The following NDUFAF6 variants were observed in gnomAD, a reference collection of about 807,000 sequenced individuals.
NDUFAF6 encodes NADH dehydrogenase (ubiquinone) complex I, assembly factor 6.
Under a neutral mutation model 40.8 loss-of-function variants are expected in NDUFAF6, and 45 were observed. The observed-to-expected ratio is 1.10, with a 90% CI of 0.87 to 1.42. NDUFAF6 has a LOEUF of 1.42. Ranked by LOEUF, NDUFAF6 falls within the 40% of genes most tolerant of loss-of-function variation. The pLI, the probability that NDUFAF6 is intolerant of heterozygous loss-of-function variation, is 0.00. For missense variants in NDUFAF6, 435 were observed against 418.5 expected (o/e 1.04, Z -0.34); for synonymous variants, 185 against 155.9 (o/e 1.19, Z -1.39).
intron 2 of NDUFAF6, among the ~76,000 whole-genome samples, chr8:95,081,725 A>G (rs1808874836): frequency 6.6e-6 from 1 of 152,242 alleles, no homozygotes; most frequent in East Asian, 1.9e-4. Flanking sequence ...TTCCCATCCA[A>G]GATCACAGAA....
chr8:95,006,832 G>T (rs917957887), intron 2 of NDUFAF6, among the ~76,000 whole-genome samples: 3 of 151,642 alleles, frequency 2.0e-5, no homozygotes, highest in Admixed American at 1.3e-4. Flanking sequence ...GCAATGAGCC[G>T]AGATCATGCC....
intron 2 of NDUFAF6, among the ~76,000 whole-genome samples, chr8:94,999,442 G>A (rs1826615352): frequency 6.7e-6 from 1 of 148,986 alleles, no homozygotes; most frequent in Admixed American, 6.7e-5. Flanking sequence ...TTTTGAGATG[G>A]AGTCTTGCTC....
chr8:95,064,386 A>T (rs1233453074), intron 9 of NDUFAF6, among the ~76,000 whole-genome samples: 2 of 152,162 alleles, frequency 1.3e-5, no homozygotes, highest in Admixed American at 6.5e-5. Context: ...AAAAATGAAT[A>T]TGTTTATTTT....
intron 3 of NDUFAF6, among the ~76,000 whole-genome samples, chr8:95,039,354 G>T (rs1490832736): frequency 6.6e-6 from 1 of 151,916 alleles, no homozygotes; most frequent in Non-Finnish European, 1.5e-5. Context: ...TCGGGAGGCT[G>T]AGGCAGGAGA....
At chr8:95,070,521 A>T (rs1369351481) in intron 9 of NDUFAF6, among the ~76,000 whole-genome samples, 1 of 152,230 alleles carries the variant, frequency 6.6e-6, no homozygotes, top group East Asian at 1.9e-4. Context: ...AATTTAAGAA[A>T]GTAAACACAT....
chr8:94,974,290 A>G (rs1378452058), intron 1 of NDUFAF6, among the ~76,000 whole-genome samples: 1 of 151,234 alleles, frequency 6.6e-6, no homozygotes, highest in South Asian at 2.1e-4. Flanking sequence ...GGTAGGTGGT[A>G]GGGGTGGAAG....
downstream of NDUFAF6, among the ~76,000 whole-genome samples, chr8:95,079,828 C>T (rs1369680908): frequency 6.6e-6 from 1 of 151,698 alleles, no homozygotes. Flanking sequence ...GATCCTCCCA[C>T]CTCAGCTTTC....
Position 95,075,559 on chromosome 8 carries a change from C to G in NDUFAF6, c.*512-74C>G. 2.5e-6 allele frequency: 3 copies of G among 1,223,434 alleles called. No individual in the cohort carries two copies. In the South Asian group the frequency reaches 3.8e-5, roughly 15 times the overall value. The allele number at this position is 1,223,434 out of a possible 1,614,324, so 75.8% of individuals were successfully genotyped here. A position where few individuals can be genotyped will look rare whatever the true frequency, so the allele number is the denominator to read the frequency against. On this transcript the variant is annotated intron_variant and NMD_transcript_variant, in intron 9 of 9. Transcript: ENST00000520757. Reference sequence around the variant, plus strand: ...CTCCCCAGGCCAACCATAAGCATCTCTCGGGGCATGGGAATGTTTCCCTAG... The same window carrying G: ...CTCCCCAGGCCAACCATAAGCATCTGTCGGGGCATGGGAATGTTTCCCTAG...
chr8:95,094,616 T>G (rs2132068829), intron 2 of NDUFAF6, among the ~76,000 whole-genome samples: 1 of 151,760 alleles, frequency 6.6e-6, no homozygotes, highest in South Asian at 2.1e-4. Flanking sequence ...GGTTTCACCA[T>G]GTTGGGCAGG....
downstream of NDUFAF6, chr8:95,078,662 A>AAAATATATATATATATATATAT (rs545018367): frequency 3.3e-5 from 4 of 121,040 alleles, no homozygotes; most frequent in African/African-American, 1.3e-4. Flanking sequence ...AAAAAAAAAA[A>AAAATATATATATATATATATAT]ATATATATAT....
chr8:95,036,804 A>AAAAGTAAAGAACTGTGAACAAAC, intron 3 of NDUFAF6, among the ~76,000 whole-genome samples: 1 of 152,330 alleles, frequency 6.6e-6, no homozygotes, highest in African/African-American at 2.4e-5. Flanking sequence ...AGGATTGCTA[A>AAAAGTAAAGAACTGTGAACAAAC]ATTGTCCGAT....
exon 3 of NDUFAF6, chr8:95,102,976 G>C (rs1001233852): frequency 6.6e-6 from 1 of 152,114 alleles, no homozygotes; most frequent in Non-Finnish European, 1.5e-5. Flanking sequence ...TTCTCTACAG[G>C]CTCTACAGTC....
intron 1 of NDUFAF6, among the ~76,000 whole-genome samples, chr8:94,909,536 G>T (rs1818624185): frequency 6.6e-6 from 1 of 151,668 alleles, no homozygotes; most frequent in Non-Finnish European, 1.5e-5. Context: ...TAAGGCTGGA[G>T]AATCGCTTGA....
At chr8:95,086,814 A>G (rs1257277593) in intron 2 of NDUFAF6, among the ~76,000 whole-genome samples, 3 of 151,982 alleles carry the variant, frequency 2.0e-5, no homozygotes, top group African/African-American at 7.2e-5. Flanking sequence ...CGTGTTAGCC[A>G]GGATGGTCTC....
intron 2 of NDUFAF6, among the ~76,000 whole-genome samples, chr8:95,033,805 A>G (rs909364428): frequency 2.0e-5 from 3 of 152,172 alleles, no homozygotes; most frequent in Non-Finnish European, 4.4e-5. Flanking sequence ...CTAAGGTGCA[A>G]TTGTGCCTGC....
At chr8:94,967,410 C>G (rs184431811) in intron 1 of NDUFAF6, among the ~76,000 whole-genome samples, 110 of 152,318 alleles carry the variant, frequency 7.2e-4, no homozygotes, top group African/African-American at 2.5e-3. Context: ...AGAAAAAGTC[C>G]TGAAATTCAT....
chr8:94,925,573 CAG>C (rs1488762911), intron 1 of NDUFAF6, among the ~76,000 whole-genome samples: 2 of 130,736 alleles, frequency 1.5e-5, no homozygotes, highest in African/African-American at 3.0e-5. Flanking sequence ...TTTTTTGAGA[CAG>C]AGTCTTGCTC....
chr8:95,073,280 A>T (rs1431783087), intron 9 of NDUFAF6: 1 of 152,200 alleles, frequency 6.6e-6, no homozygotes, highest in Non-Finnish European at 1.5e-5. Flanking sequence ...GCGCTTCCTG[A>T]GGCCAAAGCG....
chr8:95,021,199 G>C (rs1220921238), upstream of NDUFAF6, among the ~76,000 whole-genome samples: 3 of 152,198 alleles, frequency 2.0e-5, no homozygotes, highest in Non-Finnish European at 4.4e-5. Context: ...ACTGTCCTCT[G>C]TGTAGCTCTC....
Sources: allele counts gnomAD v4.1 joint callset (sites outside exome capture counted in the v4.1 genomes callset), GRCh38; gene constraint gnomAD v4.1.1; transcripts MANE v1.5; gene names NCBI Gene and HGNC (gene_info 2026-07-23, HGNC 2026-07-21).